Variants in CUX1 observed in about 807,000 individuals in gnomAD.
The protein encoded by CUX1 is cut like homeobox 1.
Under a neutral mutation model 158.8 loss-of-function variants are expected in CUX1, and 31 were observed. That is an observed-to-expected ratio of 0.20 (90% CI 0.15 to 0.26). CUX1 has a LOEUF of 0.26. CUX1 is among the 10% of genes least tolerant of loss of function. The pLI, the probability that CUX1 is intolerant of heterozygous loss-of-function variation, is 1.00. For synonymous variants in CUX1, 879 were observed against 862.1 expected, an observed-to-expected ratio of 1.02 and a Z score of -0.34; for missense variants, 1,589 against 2,014.6, an observed-to-expected ratio of 0.79 and a Z score of 4.04.
At chr7:102,155,357 A>ATGGTG (rs1186660627) in intron 8 of CUX1, among the ~76,000 whole-genome samples, 44 of 151,556 alleles carry the variant, frequency 2.9e-4, no homozygotes, top group Admixed American at 6.6e-5. Flanking sequence ...CAGCCTGGGC[A>ATGGTG]ACATGGTGAA....
At chr7:102,034,255 G>C (rs1373611241) in intron 3 of CUX1, among the ~76,000 whole-genome samples, 3 of 151,286 alleles carry the variant, frequency 2.0e-5, no homozygotes. Flanking sequence ...TCCCAAGAAG[G>C]CTGTTTTGTT....
Position 101,916,302 on chromosome 7 carries a change from C to T in CUX1, c.141+77C>T, listed in dbSNP as rs546178344. ...GCATGTTCAGGCGACGCTCCGTGAG[C>T]GTTTCATTTTCATCAGATGAACGCA... On this transcript the variant is annotated intron_variant, in intron 2 of 23. Transcript: ENST00000292535. This position sits in a 1 kb window ranked among gnomAD's most constrained non-coding sequence, Gnocchi z 4.4. 121 of 941,648 alleles carry T rather than the reference C, an allele frequency of 1.3e-4. No homozygotes were observed. The highest frequency in any genetic ancestry group is 7.4e-4 in the East Asian group (30 of 40,554). 58.3% of individuals were successfully genotyped at this position (941,648 alleles called of 1,614,324 possible).
At position 101,984,117 on chromosome 7, in the gene CUX1, T is replaced by A. The variant is rs1189641671; in HGVS notation, c.142-43981T>A. Among the ~76,000 whole-genome samples the A allele has an allele frequency of 1.3e-3, 60 of 47,118 alleles. 4 individuals are homozygous for A. The highest frequency in any genetic ancestry group is 2.6e-3 in the Non-Finnish European group (52 of 19,964). 30.9% of individuals were successfully genotyped at this position (47,118 alleles called of 152,430 possible). ...ATATATATATATATATATATATATA[T>A]ATATATATATATACACACACACATA... is the stretch of plus-strand genomic sequence containing the variant. On this transcript the variant is annotated intron_variant, in intron 2 of 23. Transcript: ENST00000292535.
intron 1 of CUX1, among the ~76,000 whole-genome samples, chr7:101,848,508 C>T (rs965031179): frequency 5.3e-5 from 8 of 152,114 alleles, no homozygotes; most frequent in East Asian, 1.9e-4. Flanking sequence ...ATTTGTTGGG[C>T]GAGGGATCTT....
intron 1 of CUX1, among the ~76,000 whole-genome samples, chr7:101,882,106 G>C (rs1799782346): frequency 6.6e-6 from 1 of 152,042 alleles, no homozygotes; most frequent in South Asian, 2.1e-4. Context: ...ATCGCTTGAG[G>C]CTGGGAGGTG....
intron 2 of CUX1, among the ~76,000 whole-genome samples, chr7:102,001,342 T>C (rs894340864): frequency 6.6e-6 from 1 of 151,638 alleles, no homozygotes; most frequent in African/African-American, 2.4e-5. Context: ...AGCTCCTGTT[T>C]GTTTGTTTGT....
At chr7:101,886,300 C>T (rs1426979463) in intron 1 of CUX1, among the ~76,000 whole-genome samples, 1 of 152,130 alleles carries the variant, frequency 6.6e-6, no homozygotes, top group Non-Finnish European at 1.5e-5. Context: ...CTCAAGTGAT[C>T]TTCCTACCCC....
intron 1 of CUX1, among the ~76,000 whole-genome samples, chr7:101,824,104 T>C (rs1357284919): frequency 6.6e-6 from 1 of 152,242 alleles, no homozygotes; most frequent in African/African-American, 2.4e-5. Context: ...ATTTTATTTT[T>C]TGAGACGGAG....
chr7:102,133,156 G>A (rs1554497885), intron 8 of CUX1, among the ~76,000 whole-genome samples: 1 of 152,094 alleles, frequency 6.6e-6, no homozygotes, highest in Non-Finnish European at 1.5e-5. Flanking sequence ...TCATATCTAA[G>A]GGAAAGTCCA....
chr7:101,826,779 G>A (rs1360234803), intron 1 of CUX1, among the ~76,000 whole-genome samples: 5 of 152,008 alleles, frequency 3.3e-5, no homozygotes, highest in Admixed American at 1.3e-4. Context: ...GGGGTGGCCG[G>A]GGATCTCTAG....
chr7:101,928,068 T>C (rs1417618314), intron 2 of CUX1, among the ~76,000 whole-genome samples: 3 of 152,220 alleles, frequency 2.0e-5, no homozygotes, highest in Non-Finnish European at 2.9e-5. Flanking sequence ...ATTTTAAGTA[T>C]AAAAGACGCA....
chr7:101,864,234 C>T (rs994127597), intron 1 of CUX1, among the ~76,000 whole-genome samples: 3 of 151,672 alleles, frequency 2.0e-5, no homozygotes, highest in Non-Finnish European at 2.9e-5. Context: ...AATCATGGCT[C>T]ACTGGATCCT....
At chr7:102,043,766 G>T (rs1354413260) in intron 3 of CUX1, among the ~76,000 whole-genome samples, 6 of 151,988 alleles carry the variant, frequency 3.9e-5, no homozygotes, top group Non-Finnish European at 7.4e-5. Context: ...ATTTTGGGGG[G>T]AACCTCCGTA....
At chr7:101,991,555 T>C (rs1815133035) in intron 2 of CUX1, among the ~76,000 whole-genome samples, 1 of 152,076 alleles carries the variant, frequency 6.6e-6, no homozygotes, top group Admixed American at 6.6e-5. Flanking sequence ...GGTCAGGAGT[T>C]CCAGACCCAC....
chr7:101,993,619 A>G (rs1273112973), intron 2 of CUX1, among the ~76,000 whole-genome samples: 1 of 152,154 alleles, frequency 6.6e-6, no homozygotes, highest in Non-Finnish European at 1.5e-5. Context: ...CTTCCTCTAC[A>G]CATGTATGGC....
At chr7:102,282,130 GC>G (rs1160056578) in intron 21 of CUX1, among the ~76,000 whole-genome samples, 2 of 152,214 alleles carry the variant, frequency 1.3e-5, no homozygotes, top group Non-Finnish European at 2.9e-5. Flanking sequence ...CAGGGCACCA[GC>G]CGGGCCGCTC....
chr7:101,925,512 A>C (rs112507070), intron 2 of CUX1, among the ~76,000 whole-genome samples: 1 of 152,234 alleles, frequency 6.6e-6, no homozygotes, highest in African/African-American at 2.4e-5. Context: ...GAATATAAAA[A>C]TGTCCTAGAA....
At chr7:101,840,412 A>G (rs1328759726) in intron 1 of CUX1, among the ~76,000 whole-genome samples, 1 of 152,150 alleles carries the variant, frequency 6.6e-6, no homozygotes, top group East Asian at 1.9e-4. Flanking sequence ...TCCCCTTTCC[A>G]TAGTTTTTAG....
At chr7:102,018,254 C>T (rs965921979) in intron 2 of CUX1, among the ~76,000 whole-genome samples, 3 of 152,170 alleles carry the variant, frequency 2.0e-5, no homozygotes, top group Admixed American at 6.5e-5. Context: ...AGCCACTGTG[C>T]CCAGTCAGAG....
Sources: allele counts gnomAD v4.1 joint callset (sites outside exome capture counted in the v4.1 genomes callset), GRCh38; gene constraint gnomAD v4.1.1; non-coding constraint Gnocchi (gnomAD v3.1); transcripts MANE v1.5; gene names NCBI Gene and HGNC (gene_info 2026-07-23, HGNC 2026-07-21).